KLF15: variants seen among roughly 807,000 people sequenced by gnomAD.
KLF15 encodes the protein KLF transcription factor 15.
Under a neutral mutation model 24.6 loss-of-function variants are expected in KLF15, and 4 were observed. The ratio of observed to expected loss-of-function variants is 0.16; its 90% CI spans 0.08 to 0.37. The LOEUF is 0.37. Ranked by LOEUF, KLF15 falls within the 10% of genes least tolerant of loss-of-function variation. The pLI, the probability that KLF15 is intolerant of heterozygous loss-of-function variation, is 1.00. For synonymous variants in KLF15, 246 were observed against 236.3 expected (o/e 1.04, Z -0.37); for missense variants, 496 against 560.6 (o/e 0.88, Z 1.16).
intron 2 of KLF15, among the ~76,000 whole-genome samples, chr3:126,348,718 G>A (rs985035439): frequency 6.6e-5 from 10 of 152,252 alleles, no homozygotes; most frequent in African/African-American, 2.2e-4. Context: ...GGATGCCCAC[G>A]CGGGAGCCTG....
rs1382140653 is a variant in KLF15 at position 126,356,482 on chromosome 3, G to T, written c.-26+755C>A. ...GGGACGGCCTCTCTGCCCCGCCGCC[G>T]CCATCCCTCGGTCAGGCCATGGCTT... On this transcript the variant is annotated intron_variant, in intron 1 of 2. Coordinates refer to ENST00000296233, the MANE Select transcript of KLF15 (RefSeq NM_014079.4). The surrounding 1 kb of genome is among the most constrained non-coding windows in gnomAD (Gnocchi z 4.4). Among the ~76,000 whole-genome samples, 1 of 152,020 alleles carries T rather than the reference G, an allele frequency of 6.6e-6. No homozygotes were observed. The highest frequency in any genetic ancestry group is 2.4e-5 in the African/African-American group (1 of 41,400).
intron 2 of KLF15, among the ~76,000 whole-genome samples, chr3:126,350,928 C>G (rs1333973342): frequency 1.3e-5 from 2 of 152,394 alleles, no homozygotes; most frequent in East Asian, 3.9e-4. Context: ...CAGCGCCCCC[C>G]AGGCAGGCCA....
the KLF15 span, among the ~76,000 whole-genome samples, chr3:126,314,888 T>A: frequency 1.1e-4 from 16 of 152,188 alleles, no homozygotes; most frequent in Non-Finnish European, 5.9e-5. Flanking sequence ...TTGCTTTCCT[T>A]GAGAAAGATA....
chr3:126,352,979 G>A (rs2082599292), intron 1 of KLF15, 32 bp from the exon 2 acceptor site: 1 of 1,549,980 alleles, frequency 6.5e-7, no homozygotes, highest in East Asian at 2.3e-5. Context: ...GGCCTGGTCA[G>A]AAGGACAGTG....
At chr3:126,316,718 CGGGCCGGAGTGGTG>C in the KLF15 span, among the ~76,000 whole-genome samples, 1 of 130,522 alleles carries the variant, frequency 7.7e-6, no homozygotes, top group African/African-American at 2.9e-5. Flanking sequence ...AGGGAATGCA[CGGGCCGGAGTGGTG>C]AGGGGAGTCC....
chr3:126,322,435 GTC>G, the KLF15 span, among the ~76,000 whole-genome samples: 1 of 152,158 alleles, frequency 6.6e-6, no homozygotes, highest in Non-Finnish European at 1.5e-5. Flanking sequence ...GCATCCTCCA[GTC>G]TCTGTCTCTG....
chr3:126,317,607 G>C, the KLF15 span, among the ~76,000 whole-genome samples: 2 of 152,138 alleles, frequency 1.3e-5, no homozygotes, highest in African/African-American at 2.4e-5. Flanking sequence ...GCACCCCGGA[G>C]TGCGGGCAGG....
At chr3:126,315,000 A>T in the KLF15 span, among the ~76,000 whole-genome samples, 1 of 152,104 alleles carries the variant, frequency 6.6e-6, no homozygotes, top group African/African-American at 2.4e-5. Context: ...TCCAGGATGA[A>T]ACTGCGGCCA....
chr3:126,321,825 G>A, the KLF15 span, among the ~76,000 whole-genome samples: 3 of 152,296 alleles, frequency 2.0e-5, no homozygotes, highest in Non-Finnish European at 2.9e-5. Flanking sequence ...TGTCGGCTCC[G>A]GGGTGGCACT....
rs1164404600 is a variant in KLF15 at position 126,356,734 on chromosome 3, C to A, written c.-26+503G>T. 2.6e-5 allele frequency among the ~76,000 whole-genome samples: 4 copies of A among 152,032 alleles called. No homozygotes were observed. Among genetic ancestry groups the A allele is most frequent in the Non-Finnish European group, 5.9e-5 (4 of 68,000 alleles). On this transcript the variant is annotated intron_variant, in intron 1 of 2. Coordinates refer to ENST00000296233, the MANE Select transcript of KLF15 (RefSeq NM_014079.4). This position sits in a 1 kb window ranked among gnomAD's most constrained non-coding sequence, Gnocchi z 4.4. Reference sequence around the variant, plus strand: ...AAACGTGCGTGGGAAATGAAGAGAGCCGGCTCAGACCCCTTCTAGAGTCCT... The same window carrying A: ...AAACGTGCGTGGGAAATGAAGAGAGACGGCTCAGACCCCTTCTAGAGTCCT...
At chr3:126,312,084 A>T in the KLF15 span, among the ~76,000 whole-genome samples, 1 of 152,174 alleles carries the variant, frequency 6.6e-6, no homozygotes, top group Non-Finnish European at 1.5e-5. Context: ...CCCTCTGAGC[A>T]CCCTTCTTTC....
chr3:126,321,037 G>C, the KLF15 span, among the ~76,000 whole-genome samples: 1 of 151,900 alleles, frequency 6.6e-6, no homozygotes, highest in Non-Finnish European at 1.5e-5. Flanking sequence ...AGCTGGCGGG[G>C]ACTTGATCCA....
chr3:126,342,192 A>G (rs1449802830), downstream of KLF15, among the ~76,000 whole-genome samples: 1 of 152,200 alleles, frequency 6.6e-6, no homozygotes, highest in Non-Finnish European at 1.5e-5. Flanking sequence ...CGCCAGTAGG[A>G]AATGGCACAG....
At chr3:126,326,727 T>C in the KLF15 span, among the ~76,000 whole-genome samples, 1 of 152,142 alleles carries the variant, frequency 6.6e-6, no homozygotes, top group African/African-American at 2.4e-5. Context: ...AGAGGTGGCT[T>C]TTGTTTGTTT....
At chr3:126,355,556 A>G (rs1278198524) in intron 1 of KLF15, among the ~76,000 whole-genome samples, 2 of 152,060 alleles carry the variant, frequency 1.3e-5, no homozygotes, top group African/African-American at 2.4e-5. Flanking sequence ...ACATCATCCT[A>G]TATTATACTC....
chr3:126,343,388 C>T lies in KLF15; in HGVS notation c.*339G>A. On this transcript the variant is annotated 3_prime_UTR_variant, in exon 3 of 3. Coordinates refer to ENST00000296233, the MANE Select transcript of KLF15 (RefSeq NM_014079.4). ...TGGCCTTGGCCCAGGATGGGGGAGC[C>T]CAGTGGGAGAAGGGCCAGGTCCCCA... is the stretch of plus-strand genomic sequence containing the variant. 6.5e-6 allele frequency: 2 copies of T among 305,880 alleles called. No individual in the cohort carries two copies. The highest frequency in any genetic ancestry group is 4.5e-5 in the South Asian group (1 of 22,294). The allele number at this position is 305,880 out of a possible 1,614,324, so 18.9% of individuals were successfully genotyped here.
chr3:126,341,785 G>C (rs897525016), downstream of KLF15, among the ~76,000 whole-genome samples: 1 of 152,138 alleles, frequency 6.6e-6, no homozygotes, highest in African/African-American at 2.4e-5. Flanking sequence ...AGAAACACTT[G>C]ACCCGACTTG....
chr3:126,345,331 C>A (rs1215775819), intron 2 of KLF15, among the ~76,000 whole-genome samples: 1 of 152,038 alleles, frequency 6.6e-6, no homozygotes, highest in East Asian at 1.9e-4. Context: ...ACATGTTTGT[C>A]TTGGTTCCCG....
the KLF15 span, among the ~76,000 whole-genome samples, chr3:126,317,257 A>G: frequency 2.0e-5 from 3 of 152,194 alleles, no homozygotes; most frequent in African/African-American, 7.2e-5. Flanking sequence ...AGCAATAGGT[A>G]GCTAGTCAGA....
Sources: allele counts gnomAD v4.1 joint callset (sites outside exome capture counted in the v4.1 genomes callset), GRCh38; gene constraint gnomAD v4.1.1; non-coding constraint Gnocchi (gnomAD v3.1); transcripts MANE v1.5; gene names NCBI Gene and HGNC (gene_info 2026-07-23, HGNC 2026-07-21).